The following STXBP6 variants were observed in gnomAD, a reference collection of about 807,000 sequenced individuals.
STXBP6 encodes syntaxin-binding protein 6.
In STXBP6, 21 loss-of-function variants were observed where a neutral mutation model predicts 26.9. The ratio of observed to expected loss-of-function variants is 0.78; its 90% CI spans 0.55 to 1.12. STXBP6 has a LOEUF of 1.12. STXBP6 is among the 50% of genes most tolerant of loss of function. STXBP6 has a pLI of 0.00. For missense variants in STXBP6, 232 were observed against 257.9 expected, an observed-to-expected ratio of 0.90 and a Z score of 0.69; for synonymous variants, 97 against 92.6, an observed-to-expected ratio of 1.05 and a Z score of -0.27.
intron 5 of STXBP6, among the ~76,000 whole-genome samples, chr14:24,814,848 G>C (rs373333242): frequency 6.6e-6 from 1 of 152,196 alleles, no homozygotes; most frequent in Non-Finnish European, 1.5e-5. Flanking sequence ...GTGAGGACAT[G>C]ATGAGGAGGT....
intron 1 of STXBP6, among the ~76,000 whole-genome samples, chr14:25,036,848 T>A (rs1478545612): frequency 3.8e-5 from 4 of 105,012 alleles, no homozygotes; most frequent in Non-Finnish European, 7.1e-5. Flanking sequence ...AGAGCAAGAC[T>A]CCGTCTCAAA....
rs562235780 is a variant in STXBP6 at position 24,865,908 on chromosome 14, C to T, written c.155-8751G>A. On this transcript the variant is annotated intron_variant, in intron 2 of 5. Transcript: ENST00000323944. ...ACTATACATGAAGTAGTGTATTACT[C>T]GAAGGTAGAGTATGCTAAAGATATA... 3.3e-5 allele frequency among the ~76,000 whole-genome samples: 5 copies of T among 152,090 alleles called. No homozygotes were observed. The East Asian group carries it at 9.7e-4, about 29-fold the overall frequency.
intron 4 of STXBP6, among the ~76,000 whole-genome samples, chr14:24,822,212 A>G (rs1430172101): frequency 1.3e-5 from 2 of 152,080 alleles, no homozygotes; most frequent in African/African-American, 4.8e-5. Flanking sequence ...AACAACCCCA[A>G]TATCTGCCCA....
intron 2 of STXBP6, among the ~76,000 whole-genome samples, chr14:24,938,199 G>T (rs753276073): frequency 6.6e-6 from 1 of 152,048 alleles, no homozygotes; most frequent in Non-Finnish European, 1.5e-5. Flanking sequence ...TTTTTCTCAC[G>T]CAAGAGCAGT....
intron 2 of STXBP6, among the ~76,000 whole-genome samples, chr14:24,957,304 A>G (rs1001651946): frequency 6.6e-6 from 1 of 152,196 alleles, no homozygotes; most frequent in Non-Finnish European, 1.5e-5. Context: ...GTTTAAATTG[A>G]AACTCTATTG....
intron 1 of STXBP6, among the ~76,000 whole-genome samples, chr14:24,990,609 G>A (rs1056842515): frequency 7.5e-6 from 1 of 133,338 alleles, no homozygotes; most frequent in Non-Finnish European, 1.5e-5. Flanking sequence ...AGTGAGTCGA[G>A]ATCATGCCAT....
At chr14:24,831,450 T>A (rs2068451152) in intron 4 of STXBP6, among the ~76,000 whole-genome samples, 1 of 152,054 alleles carries the variant, frequency 6.6e-6, no homozygotes, top group Non-Finnish European at 1.5e-5. Flanking sequence ...AGTAACAAAG[T>A]TTTTAAAATA....
intron 2 of STXBP6, among the ~76,000 whole-genome samples, chr14:24,913,125 G>A (rs1281009444): frequency 6.6e-6 from 1 of 152,080 alleles, no homozygotes; most frequent in Non-Finnish European, 1.5e-5. Flanking sequence ...TATCTTAAAG[G>A]ATGCTGAAAA....
At chr14:25,026,327 C>T (rs1259637751) in intron 1 of STXBP6, among the ~76,000 whole-genome samples, 2 of 152,086 alleles carry the variant, frequency 1.3e-5, no homozygotes, top group Non-Finnish European at 2.9e-5. Context: ...AGCTTAGAGA[C>T]CTAAATAAAA....
chr14:24,885,314 T>G (rs1212013236), intron 2 of STXBP6, among the ~76,000 whole-genome samples: 1 of 152,208 alleles, frequency 6.6e-6, no homozygotes, highest in Non-Finnish European at 1.5e-5. Context: ...GTCTTCATGC[T>G]GTGATGAGCC....
At chr14:25,039,043 T>C (rs965574878) in intron 1 of STXBP6, among the ~76,000 whole-genome samples, 26 of 152,154 alleles carry the variant, frequency 1.7e-4, no homozygotes, top group African/African-American at 5.1e-4. Flanking sequence ...ATGATAAGTA[T>C]AGGAGGTAAT....
chr14:25,012,832 G>C (rs1052548286), intron 1 of STXBP6, among the ~76,000 whole-genome samples: 4 of 152,132 alleles, frequency 2.6e-5, no homozygotes, highest in Non-Finnish European at 5.9e-5. Flanking sequence ...ACAAAAAGCA[G>C]GGAAACTCAA....
chr14:24,887,165 A>G (rs2070620581), intron 2 of STXBP6, among the ~76,000 whole-genome samples: 1 of 152,226 alleles, frequency 6.6e-6, no homozygotes, highest in African/African-American at 2.4e-5. Flanking sequence ...TATAATACAT[A>G]TAACATTTCT....
chr14:24,847,851 G>T (rs1444303054), intron 4 of STXBP6, among the ~76,000 whole-genome samples: 1 of 152,066 alleles, frequency 6.6e-6, no homozygotes, highest in Non-Finnish European at 1.5e-5. Flanking sequence ...TTTAAACATT[G>T]TTGTTTTGGT....
chr14:25,002,131 G>C (rs1321194324), intron 1 of STXBP6, among the ~76,000 whole-genome samples: 1 of 152,062 alleles, frequency 6.6e-6, no homozygotes, highest in Non-Finnish European at 1.5e-5. Flanking sequence ...CCAACATATG[G>C]ATACTTCATG....
rs1406503427 is a variant in STXBP6 at position 25,049,961 on chromosome 14, G to C, written c.-116C>G. On this transcript the variant is annotated 5_prime_UTR_variant, in exon 1 of 6. Transcript: ENST00000323944. This position sits in a 1 kb window ranked among gnomAD's most constrained non-coding sequence, Gnocchi z 5.6. ...AGGCTCCTCCCCGGGGGGCTGCCCC[G>C]CGCGGGGCTCCGGGCTCCGGACAAG... is the stretch of plus-strand genomic sequence containing the variant. The C allele has an allele frequency of 1.3e-5, 11 of 836,924 alleles. No individual in the cohort carries two copies. The highest frequency in any genetic ancestry group is 1.9e-5 in the African/African-American group (1 of 53,618). The allele number at this position is 836,924 out of a possible 1,614,324, so 51.8% of individuals were successfully genotyped here.
intron 1 of STXBP6, among the ~76,000 whole-genome samples, chr14:25,011,221 G>C (rs1305078635): frequency 6.8e-6 from 1 of 147,418 alleles, no homozygotes; most frequent in Middle Eastern, 3.2e-3. Flanking sequence ...CTCCCCACCA[G>C]AACCACAAAG....
chr14:24,974,515 A>G (rs762288373), intron 2 of STXBP6, 150 bp downstream of exon 2: 55 of 593,708 alleles, frequency 9.3e-5, no homozygotes, highest in Non-Finnish European at 1.3e-4. Context: ...AGGTGTCACC[A>G]GTAAAGAGGA....
chr14:24,943,158 T>C (rs146633493), intron 2 of STXBP6, among the ~76,000 whole-genome samples: 78 of 152,272 alleles, frequency 5.1e-4, no homozygotes, highest in Admixed American at 4.3e-3. Context: ...GGAAATCTGT[T>C]TTCAATCTCA....
Sources: allele counts gnomAD v4.1 joint callset (sites outside exome capture counted in the v4.1 genomes callset), GRCh38; gene constraint gnomAD v4.1.1; non-coding constraint Gnocchi (gnomAD v3.1); transcripts MANE v1.5; gene names NCBI Gene and HGNC (gene_info 2026-07-23, HGNC 2026-07-21).